Variants in SAE1 observed in about 807,000 individuals in gnomAD.
SAE1 encodes SUMO1 activating enzyme subunit 1.
Under a neutral mutation model 40.6 loss-of-function variants are expected in SAE1, and 11 were observed. The ratio of observed to expected loss-of-function variants is 0.27; its 90% CI spans 0.17 to 0.45. SAE1 has a LOEUF of 0.45. Among genes scored for constraint, SAE1 ranks in the 20% least tolerant of loss-of-function variants. The probability of loss-of-function intolerance (pLI) is 1.00; values close to 1 mark genes in which losing one functional copy is unlikely to be tolerated. For synonymous variants in SAE1, 155 were observed against 154.3 expected, an observed-to-expected ratio of 1.00 and a Z score of -0.03; for missense variants, 373 against 427.3, an observed-to-expected ratio of 0.87 and a Z score of 1.12.
chr19:47,169,742 A>G, intron 5 of SAE1, 76 bp from the exon 6 acceptor site: 1 of 939,802 alleles, frequency 1.1e-6, no homozygotes, highest in Non-Finnish European at 1.7e-6. Flanking sequence ...ATTTTTCTGC[A>G]ATAGAGAAGA....
chr19:47,210,030 C>A lies in SAE1; in HGVS notation c.*779C>A, dbSNP rs2058705663. Reference sequence around the variant, plus strand: ...GGAGGAGCCTGCCCTTTTAACAGAACCCCAGTCACATGCGGCTCAAGTCAC... The same window carrying A: ...GGAGGAGCCTGCCCTTTTAACAGAAACCCAGTCACATGCGGCTCAAGTCAC... On this transcript the variant is annotated 3_prime_UTR_variant, in exon 9 of 9. Transcript: ENST00000270225. The A allele has an allele frequency of 6.6e-6, 1 of 152,166 alleles. No homozygotes were observed. The highest frequency in any genetic ancestry group is 1.9e-4 in the East Asian group (1 of 5,200). 9.4% of individuals were successfully genotyped at this position (152,166 alleles called of 1,614,324 possible). A position where few individuals can be genotyped will look rare whatever the true frequency, so the allele number is the denominator to read the frequency against.
intron 8 of SAE1, among the ~76,000 whole-genome samples, chr19:47,206,905 GA>G (rs1338753817): frequency 6.6e-6 from 1 of 152,196 alleles, no homozygotes; most frequent in Non-Finnish European, 1.5e-5. Flanking sequence ...TATTTGCCCA[GA>G]GAAGCAAACT....
chr19:47,144,067 C>T (rs2058239418), intron 2 of SAE1, among the ~76,000 whole-genome samples: 1 of 152,220 alleles, frequency 6.6e-6, no homozygotes, highest in Admixed American at 6.5e-5. Flanking sequence ...GACGCAGTGG[C>T]TCATGCCTGT....
At position 47,147,956 on chromosome 19, in the gene SAE1, T is replaced by C. The variant is rs141444693; in HGVS notation, c.211-2246T>C. 1.4e-3 allele frequency among the ~76,000 whole-genome samples: 218 copies of C among 151,898 alleles called. 1 individual carries two copies. Among genetic ancestry groups the C allele is most frequent in the African/African-American group, 5.2e-3 (214 of 41,468 alleles). ...TTGTATTTTTTAGTAGAGATGGGGT[T>C]TCACCGTATTAGCCAGGATGGTCTC... On this transcript the variant is annotated intron_variant, in intron 2 of 8. Transcript: ENST00000270225.
At chr19:47,140,016 C>T (rs1354621479) in intron 1 of SAE1, among the ~76,000 whole-genome samples, 1 of 148,808 alleles carries the variant, frequency 6.7e-6, no homozygotes, top group Non-Finnish European at 1.5e-5. Flanking sequence ...CGGCTCACTG[C>T]AACCTCCGCC....
intron 6 of SAE1, among the ~76,000 whole-genome samples, chr19:47,196,504 C>T (rs2058617018): frequency 1.3e-5 from 2 of 151,342 alleles, no homozygotes; most frequent in South Asian, 2.1e-4. Context: ...GCTGGGACTA[C>T]AGGCACGTGT....
intron 6 of SAE1, among the ~76,000 whole-genome samples, chr19:47,174,489 C>T (rs1431816625): frequency 1.3e-5 from 2 of 151,252 alleles, no homozygotes; most frequent in African/African-American, 4.9e-5. Context: ...CTCCACCTCC[C>T]AGGTTTAAGC....
chr19:47,150,101 G>A (rs1296931109), intron 2 of SAE1, 101 bp from the exon 3 acceptor site: 4 of 739,646 alleles, frequency 5.4e-6, no homozygotes, highest in Non-Finnish European at 8.0e-6. Flanking sequence ...AAAAATTTAG[G>A]TGGTAGGTAT....
chr19:47,203,842 C>T (rs2058669189), intron 8 of SAE1, 102 bp downstream of exon 8: 4 of 1,029,888 alleles, frequency 3.9e-6, no homozygotes, highest in Non-Finnish European at 6.0e-6. Flanking sequence ...CTTTCTCTCA[C>T]CCCATTCATC....
chr19:47,152,364 T>G (rs1412220501), intron 3 of SAE1, among the ~76,000 whole-genome samples: 3 of 152,204 alleles, frequency 2.0e-5, no homozygotes, highest in African/African-American at 7.2e-5. Flanking sequence ...GTCCTTAAAT[T>G]CAGATAAAGT....
chr19:47,165,901 G>C (rs1377981999), intron 5 of SAE1, among the ~76,000 whole-genome samples: 14 of 152,194 alleles, frequency 9.2e-5, no homozygotes, highest in Admixed American at 9.2e-4. Flanking sequence ...TTAGAGCATT[G>C]TCATTATGTG....
chr19:47,159,924 C>T (rs2058348618), intron 5 of SAE1, among the ~76,000 whole-genome samples: 1 of 152,144 alleles, frequency 6.6e-6, no homozygotes, highest in African/African-American at 2.4e-5. Context: ...GAACTCCTGG[C>T]CTCAAGTGAT....
chr19:47,144,804 T>A (rs2058245108), intron 2 of SAE1, among the ~76,000 whole-genome samples: 1 of 152,112 alleles, frequency 6.6e-6, no homozygotes, highest in South Asian at 2.1e-4. Context: ...ATCCAGTAAT[T>A]AGGAATAATG....
intron 7 of SAE1, among the ~76,000 whole-genome samples, chr19:47,202,468 A>G (rs996317813): frequency 6.6e-6 from 1 of 151,580 alleles, no homozygotes; most frequent in Non-Finnish European, 1.5e-5. Context: ...TTGTATTTTT[A>G]GTAGAAACGG....
intron 5 of SAE1, among the ~76,000 whole-genome samples, chr19:47,162,680 T>G (rs75284488): frequency 6.6e-6 from 1 of 152,126 alleles, no homozygotes; most frequent in African/African-American, 2.4e-5. Context: ...TACTTGTTAC[T>G]GTTAGGCCTG....
intron 8 of SAE1, among the ~76,000 whole-genome samples, chr19:47,205,834 A>ATGCTTGC (rs2058684035): frequency 6.6e-6 from 1 of 152,196 alleles, no homozygotes; most frequent in Admixed American, 6.5e-5. Flanking sequence ...AGGAAAGAAG[A>ATGCTTGC]TGCTTGCCCA....
chr19:47,169,743 A>G (rs186400978), intron 5 of SAE1, 75 bp from the exon 6 acceptor site: 8 of 960,974 alleles, frequency 8.3e-6, no homozygotes, highest in Admixed American at 7.6e-5. Flanking sequence ...TTTTTCTGCA[A>G]TAGAGAAGAG....
chr19:47,164,920 G>A (rs1392079886), intron 5 of SAE1, among the ~76,000 whole-genome samples: 2 of 151,842 alleles, frequency 1.3e-5, no homozygotes, highest in Non-Finnish European at 2.9e-5. Flanking sequence ...CCAAAGTGCT[G>A]GGATTACAGG....
chr19:47,208,975 T>G (rs570931519), intron 8 of SAE1, among the ~76,000 whole-genome samples, 184 bp from the exon 9 acceptor site: 3 of 152,318 alleles, frequency 2.0e-5, no homozygotes, highest in Middle Eastern at 3.4e-3. Context: ...GACACACAGC[T>G]TGTAAGGGAC....
Sources: gnomAD v4.1 joint callset for allele counts (sites outside exome capture counted in the v4.1 genomes callset) on GRCh38, gnomAD v4.1.1 for gene constraint, MANE v1.5 for transcripts, NCBI Gene and HGNC (gene_info 2026-07-23, HGNC 2026-07-21) for gene names.